ARL15: variants seen among roughly 807,000 people sequenced by gnomAD.
ARL15 encodes ARF like GTPase 15, also known as ADP-ribosylation factor-like protein 15.
A neutral mutation model predicts 25.2 loss-of-function variants in ARL15; 19 were observed. That is an observed-to-expected ratio of 0.75 (90% CI 0.53 to 1.10). The LOEUF is 1.10. Among genes scored for constraint, ARL15 ranks in the 50% least tolerant of loss-of-function variants. The probability of loss-of-function intolerance (pLI) is 0.00; values close to 1 mark genes in which losing one functional copy is unlikely to be tolerated. For missense variants in ARL15, 220 were observed against 246.0 expected (o/e 0.89, Z 0.71); for synonymous variants, 94 against 86.8 (o/e 1.08, Z -0.46).
At chr5:54,044,544 C>T (rs1750449314) in intron 4 of ARL15, among the ~76,000 whole-genome samples, 1 of 151,960 alleles carries the variant, frequency 6.6e-6, no homozygotes, top group South Asian at 2.1e-4. Context: ...TGCACCCGGC[C>T]AAAACAGGCC....
intron 1 of ARL15, among the ~76,000 whole-genome samples, chr5:54,260,767 G>A (rs17512901): frequency 0.018 from 2,704 of 152,212 alleles, 35 homozygotes; most frequent in Middle Eastern, 0.065. Flanking sequence ...CATCTTCCAC[G>A]CTACAGTCCA....
chr5:53,885,457 G>T lies in ARL15; in HGVS notation c.*1104C>A, dbSNP rs952409836. 1.3e-5 allele frequency: 2 copies of T among 152,484 alleles called. No homozygotes were observed. The highest frequency in any genetic ancestry group is 4.8e-5 in the African/African-American group (2 of 41,390). The allele number at this position is 152,484 out of a possible 1,614,324, so 9.4% of individuals were successfully genotyped here. ...GTCCCAATATTATTTATTTGCTGCA[G>T]CCCCAGCACAATTTTAAGGGCACAT... On this transcript the variant is annotated 3_prime_UTR_variant, in exon 5 of 5. Transcript: ENST00000504924.
In ARL15 at chr5:54,172,285, C is replaced by T. The variant is rs1405580743; in HGVS notation, c.49-357G>A. Among the ~76,000 whole-genome samples the T allele has an allele frequency of 3.2e-4, 48 of 152,128 alleles. 1 individual carries two copies. The highest frequency in any genetic ancestry group is 3.1e-3 in the Admixed American group (48 of 15,268). On this transcript the variant is annotated intron_variant, in intron 1 of 4. Coordinates refer to ENST00000504924, the MANE Select transcript of ARL15 (RefSeq NM_019087.3). ...ATCTAAGGAGTATTCCATAAGGCAA[C>T]TGGCCTGTTCTCCTCCAAAATATCA... is the stretch of plus-strand genomic sequence containing the variant.
intron 4 of ARL15, among the ~76,000 whole-genome samples, chr5:54,029,557 T>C (rs1380618841): frequency 6.6e-6 from 1 of 152,152 alleles, no homozygotes; most frequent in East Asian, 1.9e-4. Context: ...GTATTCATAT[T>C]CAAAAGGCTT....
intron 1 of ARL15, among the ~76,000 whole-genome samples, chr5:54,174,119 C>A (rs183156308): frequency 2.6e-5 from 4 of 152,202 alleles, no homozygotes; most frequent in African/African-American, 7.2e-5. Context: ...TGTCTGTCCC[C>A]CTTCATCTCA....
chr5:54,127,701 G>A (rs868722435), intron 3 of ARL15, among the ~76,000 whole-genome samples: 28 of 151,554 alleles, frequency 1.8e-4, no homozygotes, highest in South Asian at 1.3e-3. Flanking sequence ...AAAAGAGCCC[G>A]CATCACCAAG....
chr5:54,287,725 C>G (rs1269578502), intron 1 of ARL15, among the ~76,000 whole-genome samples: 1 of 152,100 alleles, frequency 6.6e-6, no homozygotes, highest in Non-Finnish European at 1.5e-5. Flanking sequence ...AAAGGAATTT[C>G]CATTTGTCAG....
At chr5:53,978,264 C>T (rs1453224747) in intron 4 of ARL15, among the ~76,000 whole-genome samples, 15 of 152,092 alleles carry the variant, frequency 9.9e-5, no homozygotes. Flanking sequence ...ATGGTATTCA[C>T]ATATATTTTC....
intron 4 of ARL15, among the ~76,000 whole-genome samples, chr5:54,090,088 T>C (rs1752087817): frequency 6.6e-6 from 1 of 152,156 alleles, no homozygotes; most frequent in Non-Finnish European, 1.5e-5. Context: ...CATTGAGAAA[T>C]GGTTGTACAT....
intron 1 of ARL15, among the ~76,000 whole-genome samples, chr5:54,269,698 T>C (rs1432896430): frequency 2.0e-5 from 3 of 152,214 alleles, no homozygotes; most frequent in African/African-American, 7.2e-5. Context: ...TGGGCTGGAG[T>C]GCGGTGGCGC....
intron 1 of ARL15, among the ~76,000 whole-genome samples, chr5:54,286,963 T>C (rs1235155518): frequency 6.6e-6 from 1 of 151,494 alleles, no homozygotes. Context: ...GGACCTCCTG[T>C]CCAGGATTGC....
chr5:54,167,428 G>C (rs531868870), intron 2 of ARL15, among the ~76,000 whole-genome samples: 1 of 152,268 alleles, frequency 6.6e-6, no homozygotes, highest in South Asian at 2.1e-4. Context: ...CATTAAGCTG[G>C]GACAATCACA....
intron 4 of ARL15, among the ~76,000 whole-genome samples, chr5:53,977,235 T>C (rs1638769917): frequency 6.6e-6 from 1 of 151,632 alleles, no homozygotes; most frequent in Non-Finnish European, 1.5e-5. Flanking sequence ...CGGGCGCCTG[T>C]AGTCCCAGCT....
At chr5:54,280,582 T>C (rs1351262181) in intron 1 of ARL15, among the ~76,000 whole-genome samples, 1 of 152,226 alleles carries the variant, frequency 6.6e-6, no homozygotes, top group African/African-American at 2.4e-5. Flanking sequence ...AAACACAAGA[T>C]AGACTCCCTG....
chr5:54,287,169 T>G (rs1758202638), intron 1 of ARL15, among the ~76,000 whole-genome samples: 1 of 152,132 alleles, frequency 6.6e-6, no homozygotes, highest in Non-Finnish European at 1.5e-5. Context: ...AATGAGCCAC[T>G]GTACCTGGCC....
At chr5:53,998,543 A>G (rs1748759172) in intron 4 of ARL15, among the ~76,000 whole-genome samples, 1 of 152,232 alleles carries the variant, frequency 6.6e-6, no homozygotes, top group South Asian at 2.1e-4. Flanking sequence ...AGCCCTGCAC[A>G]GAAAGGGACT....
intron 1 of ARL15, among the ~76,000 whole-genome samples, chr5:54,239,336 A>T (rs1388500464): frequency 6.6e-6 from 1 of 152,038 alleles, no homozygotes; most frequent in Non-Finnish European, 1.5e-5. Context: ...GAAGTAAAAT[A>T]TTGGTATGTA....
intron 1 of ARL15, among the ~76,000 whole-genome samples, chr5:54,203,867 T>G (rs1051367246): frequency 2.6e-5 from 4 of 152,124 alleles, no homozygotes; most frequent in African/African-American, 9.7e-5. Context: ...AAGGACTTAT[T>G]TATTCAAAGA....
At chr5:54,244,573 ATCATC>A (rs1387037146) in intron 1 of ARL15, among the ~76,000 whole-genome samples, 7 of 152,226 alleles carry the variant, frequency 4.6e-5, no homozygotes, top group African/African-American at 1.4e-4. Context: ...AAGCTAAAGA[ATCATC>A]TAGACTGGCA....
Sources: allele counts gnomAD v4.1 joint callset (sites outside exome capture counted in the v4.1 genomes callset), GRCh38; gene constraint gnomAD v4.1.1; transcripts MANE v1.5; gene names NCBI Gene and HGNC (gene_info 2026-07-23, HGNC 2026-07-21).